LYRM4: variants seen among roughly 807,000 people sequenced by gnomAD.
LYRM4 encodes the protein LYR motif-containing protein 4.
Under a neutral mutation model 11.7 loss-of-function variants are expected in LYRM4, and 9 were observed. The observed-to-expected ratio is 0.77, with a 90% CI of 0.46 to 1.34. The LOEUF is 1.34. Among genes scored for constraint, LYRM4 ranks in the 40% most tolerant of loss-of-function variants. The pLI is 0.00. For synonymous variants in LYRM4, 42 were observed against 40.4 expected (o/e 1.04, Z -0.15); for missense variants, 133 against 112.5 (o/e 1.18, Z -0.82).
chr6:5,217,812 G>A (rs1192802594), intron 1 of LYRM4, among the ~76,000 whole-genome samples: 1 of 152,200 alleles, frequency 6.6e-6, no homozygotes, highest in Non-Finnish European at 1.5e-5. Flanking sequence ...TACTCAGATG[G>A]CTATGGCCTA....
chr6:5,209,841 A>G (rs1324101862), intron 2 of LYRM4, among the ~76,000 whole-genome samples: 2 of 152,262 alleles, frequency 1.3e-5, no homozygotes, highest in Non-Finnish European at 2.9e-5. Context: ...AGACACTAGT[A>G]TAAACATTAA....
At chr6:5,042,770 A>G in the LYRM4 span, 1 of 152,612 alleles carries the variant, frequency 6.6e-6, no homozygotes, top group Non-Finnish European at 1.5e-5. Flanking sequence ...GGACATGGAC[A>G]TTTGTTGCTT....
At chr6:5,091,942 T>A in the LYRM4 span, among the ~76,000 whole-genome samples, 2 of 152,256 alleles carry the variant, frequency 1.3e-5, no homozygotes, top group Non-Finnish European at 2.9e-5. Context: ...TCGTTGTCAC[T>A]GGTCAAGTCC....
the LYRM4 span, among the ~76,000 whole-genome samples, chr6:5,041,364 T>G: frequency 6.6e-6 from 1 of 152,180 alleles, no homozygotes; most frequent in African/African-American, 2.4e-5. Context: ...AATTACATAT[T>G]CCGTTTGGTT....
At chr6:5,241,349 T>C (rs562588311) in intron 1 of LYRM4, among the ~76,000 whole-genome samples, 3 of 152,344 alleles carry the variant, frequency 2.0e-5, no homozygotes, top group African/African-American at 7.2e-5. Context: ...TGAAGCTACC[T>C]TTTCTTCTCA....
intron 1 of LYRM4, among the ~76,000 whole-genome samples, chr6:5,245,314 C>T (rs370036810): frequency 4.2e-4 from 64 of 150,880 alleles, no homozygotes; most frequent in Non-Finnish European, 5.8e-4. Context: ...TGAACATGGC[C>T]GCCCCGGTAG....
rs769547384 is a variant in LYRM4, at chr6:5,204,316, C to A, written c.207+12302G>T. On this transcript the variant is annotated intron_variant, in intron 2 of 2. Coordinates refer to ENST00000330636, the MANE Select transcript of LYRM4 (RefSeq NM_020408.6). ...GGGGACAGGGGAATACTCTAGTTTC[C>A]TTGGCTTCTTTTCTGGAAAGGGATA... is the stretch of plus-strand genomic sequence containing the variant. 5.9e-5 allele frequency among the ~76,000 whole-genome samples: 9 copies of A among 152,232 alleles called. No individual in the cohort carries two copies. In the South Asian group the frequency reaches 1.7e-3, roughly 28 times the overall value.
intron 2 of LYRM4, among the ~76,000 whole-genome samples, chr6:5,145,272 AGTGCAGTTTCGGTGAGTGGAG>A: frequency 6.6e-6 from 1 of 152,140 alleles, no homozygotes; most frequent in Non-Finnish European, 1.5e-5. Context: ...AAGGAGAGAA[AGTGCAGTTTCGGTGAGTGGAG>A]GAGCCGGCAG....
At chr6:5,130,270 G>C (rs1763890313) in intron 2 of LYRM4, among the ~76,000 whole-genome samples, 1 of 152,202 alleles carries the variant, frequency 6.6e-6, no homozygotes, top group African/African-American at 2.4e-5. Flanking sequence ...GGGATTCTGG[G>C]ATTAGTGGGC....
the LYRM4 span, among the ~76,000 whole-genome samples, chr6:5,090,288 G>A: frequency 1.2e-4 from 19 of 152,194 alleles, no homozygotes; most frequent in African/African-American, 4.3e-4. The surrounding 1 kb of genome is among the most constrained non-coding windows in gnomAD (Gnocchi z 4.8). Flanking sequence ...GGGAATGTTG[G>A]ATGAAATGTG....
chr6:5,219,672 C>T (rs1056033463), intron 1 of LYRM4, among the ~76,000 whole-genome samples: 1 of 151,044 alleles, frequency 6.6e-6, no homozygotes, highest in Non-Finnish European at 1.5e-5. Flanking sequence ...CCAGTTATTT[C>T]AATCCTGGCC....
chr6:5,189,251 CTTAGCCTAAGGTTAGTGG>C (rs914791349), intron 2 of LYRM4, among the ~76,000 whole-genome samples: 8 of 152,140 alleles, frequency 5.3e-5, no homozygotes, highest in Admixed American at 5.2e-4. Flanking sequence ...AAATTAAGTG[CTTAGCCTAAGGTTAGTGG>C]TTAGCCTAAG....
At chr6:5,217,565 TATA>T (rs1477734613) in intron 1 of LYRM4, among the ~76,000 whole-genome samples, 1 of 152,264 alleles carries the variant, frequency 6.6e-6, no homozygotes, top group Non-Finnish European at 1.5e-5. Context: ...GACTAGGCTT[TATA>T]ATGTGTGTCT....
intron 2 of LYRM4, among the ~76,000 whole-genome samples, chr6:5,197,676 A>G (rs995918470): frequency 3.9e-5 from 6 of 152,172 alleles, no homozygotes; most frequent in African/African-American, 1.4e-4. Context: ...GCTGCCTCAA[A>G]AAAAATAAAT....
At chr6:5,040,348 GATAGATACATACATAC>G in the LYRM4 span, among the ~76,000 whole-genome samples, 3,528 of 137,792 alleles carry the variant, frequency 0.026, 143 homozygotes, top group African/African-American at 0.097. Context: ...TAGATAGATA[GATAGATACATACATAC>G]ATACATACAT....
intron 1 of LYRM4, among the ~76,000 whole-genome samples, chr6:5,258,185 G>C (rs1478387249): frequency 6.6e-6 from 1 of 152,224 alleles, no homozygotes; most frequent in Non-Finnish European, 1.5e-5. Context: ...GAGACTGGAG[G>C]AGCAGACAGG....
At chr6:5,116,342 C>T (rs115587834) in intron 2 of LYRM4, among the ~76,000 whole-genome samples, 2,705 of 152,182 alleles carry the variant, frequency 0.018, 41 homozygotes, top group Non-Finnish European at 0.031. Flanking sequence ...TTTTCAGAGC[C>T]ATTACAGAAG....
At chr6:5,188,964 T>C (rs1156814635) in intron 2 of LYRM4, among the ~76,000 whole-genome samples, 12 of 152,176 alleles carry the variant, frequency 7.9e-5, no homozygotes, top group Non-Finnish European at 1.3e-4. Flanking sequence ...TTTCACCATG[T>C]TGCCCAGGCT....
intron 2 of LYRM4, among the ~76,000 whole-genome samples, chr6:5,193,241 G>T (rs1243140627): frequency 4.6e-5 from 7 of 151,734 alleles, no homozygotes; most frequent in African/African-American, 9.7e-5. Context: ...TGAAGAAATA[G>T]AAGTAACTGT....
Sources: gnomAD v4.1 joint callset for allele counts (sites outside exome capture counted in the v4.1 genomes callset) on GRCh38, gnomAD v4.1.1 for gene constraint, Gnocchi (gnomAD v3.1) non-coding constraint, MANE v1.5 for transcripts, NCBI Gene and HGNC (gene_info 2026-07-23, HGNC 2026-07-21) for gene names.